ZNF516: variants seen among roughly 807,000 people sequenced by gnomAD.
ZNF516 encodes the protein zinc finger protein 516.
In ZNF516, 19 loss-of-function variants were observed where a neutral mutation model predicts 79.7. That is an observed-to-expected ratio of 0.24 (90% confidence interval 0.17 to 0.35). ZNF516 has a LOEUF of 0.35. Ranked by LOEUF, ZNF516 falls within the 10% of genes least tolerant of loss-of-function variation. The pLI, the probability that ZNF516 is intolerant of heterozygous loss-of-function variation, is 1.00. For missense variants in ZNF516, 1,678 were observed against 1,679.5 expected (o/e 1.00, Z 0.02); for synonymous variants, 877 against 739.5 (o/e 1.19, Z -3.02).
rs527871070 is a variant in ZNF516, at chr18:76,475,528, C to T, written c.-271-12387G>A. Reference sequence around the variant, plus strand: ...AAATATTCCCACAAGTGCACAAACTCGTATATTAGTAAAGTTCCCTGCACG... The same window carrying T: ...AAATATTCCCACAAGTGCACAAACTTGTATATTAGTAAAGTTCCCTGCACG... On this transcript the variant is annotated intron_variant, in intron 1 of 6. Transcript: ENST00000443185. 6.6e-5 allele frequency among the ~76,000 whole-genome samples: 10 copies of T among 152,282 alleles called. No individual in the cohort carries two copies. In the South Asian group the frequency reaches 1.2e-3, roughly 19 times the overall value.
At chr18:76,413,806 A>G (rs1157733509) in intron 3 of ZNF516, among the ~76,000 whole-genome samples, 1 of 152,240 alleles carries the variant, frequency 6.6e-6, no homozygotes. Flanking sequence ...TTGGTGAACA[A>G]GAAAAATCTT....
rs1915340816 is a variant in ZNF516, at chr18:76,493,307, A to T, written c.-272+1837T>A. 1.1e-5 allele frequency: 1 copy of T among 88,880 alleles called. No homozygotes were observed. Among genetic ancestry groups the T allele is most frequent in the Non-Finnish European group, 1.7e-5 (1 of 58,672 alleles). 5.5% of individuals were successfully genotyped at this position (88,880 alleles called of 1,614,324 possible). ...GGCGGAAAGGGAGCTCCGAGAAAGA[A>T]GGAGGGGTCATTCCGCGGGGGGCGG... On this transcript the variant is annotated intron_variant, in intron 1 of 6. Transcript: ENST00000443185. The surrounding 1 kb of genome is among the most constrained non-coding windows in gnomAD (Gnocchi z 5.2).
intron 4 of ZNF516, among the ~76,000 whole-genome samples, chr18:76,371,937 G>A (rs1326841691): frequency 6.6e-6 from 1 of 152,252 alleles, no homozygotes; most frequent in Non-Finnish European, 1.5e-5. Flanking sequence ...ACACCGGCGT[G>A]ACAGAGACGA....
At chr18:76,365,789 C>A (rs1423457930) in intron 6 of ZNF516, among the ~76,000 whole-genome samples, 1 of 152,182 alleles carries the variant, frequency 6.6e-6, no homozygotes, top group African/African-American at 2.4e-5. Flanking sequence ...TCCTGAGGCC[C>A]AGGGCCCGGA....
intron 1 of ZNF516, among the ~76,000 whole-genome samples, chr18:76,473,903 T>TGTGTGTGTGTGG (rs58634236): frequency 3.7e-5 from 2 of 54,170 alleles, no homozygotes; most frequent in African/African-American, 9.0e-5. Flanking sequence ...TGTTTTTGTG[T>TGTGTGTGTGTGG]GGGGGGGGGG....
At chr18:76,477,430 A>C (rs1599151040) in intron 1 of ZNF516, among the ~76,000 whole-genome samples, 1 of 152,340 alleles carries the variant, frequency 6.6e-6, no homozygotes, top group Non-Finnish European at 1.5e-5. Context: ...ACCCAGCCCC[A>C]CAATGAGGAA....
At chr18:76,431,938 C>T (rs1209293211) in intron 3 of ZNF516, among the ~76,000 whole-genome samples, 1 of 152,230 alleles carries the variant, frequency 6.6e-6, no homozygotes, top group African/African-American at 2.4e-5. Flanking sequence ...CATTCCGCCT[C>T]CAGGTGTGTT....
At chr18:76,463,610 G>T (rs1913261362) in intron 1 of ZNF516, among the ~76,000 whole-genome samples, 1 of 152,212 alleles carries the variant, frequency 6.6e-6, no homozygotes, top group Admixed American at 6.5e-5. Context: ...GGATGGGTCT[G>T]TGGGGCGCCA....
chr18:76,446,865 T>C (rs1912082582), intron 2 of ZNF516, among the ~76,000 whole-genome samples: 1 of 152,116 alleles, frequency 6.6e-6, no homozygotes, highest in Non-Finnish European at 1.5e-5. Context: ...TTAAGAACAT[T>C]GTGAAGGGAA....
chr18:76,379,654 A>C lies in ZNF516; in HGVS notation c.2460T>G (p.Pro820=), dbSNP rs1360411800. ...GCTGGCATTCTTTGCCACCGAGGGCAGGCGGGGGGCCCGTGCGTCCGCTCC... is the reference window on the plus strand; with the variant it reads ...GCTGGCATTCTTTGCCACCGAGGGCCGGCGGGGGGCCCGTGCGTCCGCTCC... ...LSRSGRTGPP[P]ALGGKECQPL... Residue 820 remains proline, a synonymous_variant, in exon 4 of 7, where the codon CCT becomes CCG. Transcript: ENST00000443185. 6.2e-7 allele frequency: 1 copy of C among 1,613,646 alleles called. No individual in the cohort carries two copies. Among genetic ancestry groups the C allele is most frequent in the East Asian group, 2.2e-5 (1 of 44,876 alleles).
intron 2 of ZNF516, among the ~76,000 whole-genome samples, chr18:76,447,223 C>T (rs1182347982): frequency 1.3e-5 from 2 of 152,328 alleles, no homozygotes; most frequent in South Asian, 4.1e-4. Flanking sequence ...CTTCAAAACA[C>T]GCCATGGGCG....
intron 3 of ZNF516, among the ~76,000 whole-genome samples, chr18:76,427,475 G>A (rs987896263): frequency 8.5e-5 from 13 of 152,184 alleles, no homozygotes; most frequent in African/African-American, 3.1e-4. Context: ...ATGGGAAAAT[G>A]TTTAAAGTAC....
intron 3 of ZNF516, among the ~76,000 whole-genome samples, chr18:76,396,699 G>A (rs1386853548): frequency 1.3e-5 from 2 of 152,118 alleles, no homozygotes; most frequent in Non-Finnish European, 2.9e-5. Flanking sequence ...AGACATCTGG[G>A]GGGAAAAACA....
chr18:76,441,254 G>C lies in ZNF516; in HGVS notation c.1801C>G (p.Pro601Ala). 6.2e-7 allele frequency: 1 copy of C among 1,609,734 alleles called. No individual in the cohort carries two copies. Among genetic ancestry groups the C allele is most frequent in the Non-Finnish European group, 8.5e-7 (1 of 1,178,918 alleles). The change falls in exon 3 of 7, where the codon CCT (proline) becomes GCT (alanine). Residue 601 changes from proline (P) to alanine (A), a missense_variant. Around this residue, in one of 5 missense-constraint regions of ZNF516, gnomAD observed 1,294 missense variants for 1,248.3 expected, o/e 1.04. Transcript: ENST00000443185. ...EDSGEEGAPE[P>A]APGGQPRRCC... ...GGGTACACTTGCTCACCTGGTGCAGGTTCAGGGGCGCCCTCCTCACCACTG... is the reference window on the plus strand; with the variant it reads ...GGGTACACTTGCTCACCTGGTGCAGCTTCAGGGGCGCCCTCCTCACCACTG...
intron 3 of ZNF516, among the ~76,000 whole-genome samples, chr18:76,404,333 GTGTA>G (rs137898120): frequency 0.28 from 41,602 of 149,648 alleles, 7,015 homozygotes; most frequent in East Asian, 0.48. Flanking sequence ...TGTGGACCGT[GTGTA>G]TGTGTGAGTG....
chr18:76,482,830 T>C (rs943946298), intron 1 of ZNF516, among the ~76,000 whole-genome samples: 1 of 152,082 alleles, frequency 6.6e-6, no homozygotes, highest in Non-Finnish European at 1.5e-5. Context: ...CCTGCAAAAA[T>C]CCTCACACCA....
chr18:76,484,050 C>T (rs548134501), intron 1 of ZNF516, among the ~76,000 whole-genome samples: 9 of 152,348 alleles, frequency 5.9e-5, no homozygotes, highest in African/African-American at 2.2e-4. Flanking sequence ...GCCCTAAACA[C>T]CTGGTTATTT....
intron 3 of ZNF516, chr18:76,388,504 A>T (rs2075024362): frequency 6.6e-6 from 1 of 152,210 alleles, no homozygotes; most frequent in Non-Finnish European, 1.5e-5. Flanking sequence ...TTTCAGATCC[A>T]CAAGGAGGAA....
At chr18:76,473,473 TAA>T (rs1234100346) in intron 1 of ZNF516, among the ~76,000 whole-genome samples, 4 of 151,506 alleles carry the variant, frequency 2.6e-5, no homozygotes, top group South Asian at 2.1e-4. Context: ...AATATACCAT[TAA>T]AAGTTTAATG....
Sources: gnomAD v4.1 joint callset for allele counts (sites outside exome capture counted in the v4.1 genomes callset) on GRCh38, gnomAD v4.1.1 for gene constraint, gnomAD v4.1.1 regional missense constraint, Gnocchi (gnomAD v3.1) non-coding constraint, MANE v1.5 for transcripts, NCBI Gene and HGNC (gene_info 2026-07-23, HGNC 2026-07-21) for gene names.